TMEM51: variants seen among roughly 807,000 people sequenced by gnomAD.
TMEM51 encodes the protein transmembrane protein 51.
TMEM51 carries 8 observed loss-of-function variants against 13.6 expected under a neutral mutation model. The observed-to-expected ratio is 0.59, with a 90% confidence interval of 0.35 to 1.07. TMEM51 has a LOEUF of 1.07. Among genes scored for constraint, TMEM51 ranks in the 50% least tolerant of loss-of-function variants. TMEM51 has a pLI of 0.02. For synonymous variants in TMEM51, 147 were observed against 144.4 expected, an observed-to-expected ratio of 1.02 and a Z score of -0.13; for missense variants, 279 against 330.7, an observed-to-expected ratio of 0.84 and a Z score of 1.21.
chr1:15,182,487 GTC>G (rs1160383146), intron 1 of TMEM51, among the ~76,000 whole-genome samples: 2 of 152,246 alleles, frequency 1.3e-5, no homozygotes, highest in Non-Finnish European at 2.9e-5. Context: ...CAAGCTCTGG[GTC>G]TCTCGCCAAC....
chr1:15,174,512 G>T (rs908037303), intron 1 of TMEM51, among the ~76,000 whole-genome samples: 1 of 152,026 alleles, frequency 6.6e-6, no homozygotes, highest in Non-Finnish European at 1.5e-5. Context: ...AAAGTGCTGG[G>T]GATTACTGAC....
chr1:15,167,971 G>T (rs1490187195), intron 1 of TMEM51, among the ~76,000 whole-genome samples: 1 of 152,146 alleles, frequency 6.6e-6, no homozygotes, highest in Non-Finnish European at 1.5e-5. Flanking sequence ...TGGTGTAAAA[G>T]GATGTCCAAT....
chr1:15,200,148 G>A (rs1203185513), intron 1 of TMEM51, among the ~76,000 whole-genome samples: 1 of 152,008 alleles, frequency 6.6e-6, no homozygotes, highest in African/African-American at 2.4e-5. Flanking sequence ...AAAGTCATAT[G>A]AGTGGGCCCT....
chr1:15,206,240 A>T (rs898155728), intron 1 of TMEM51, among the ~76,000 whole-genome samples: 3 of 146,022 alleles, frequency 2.1e-5, no homozygotes, highest in African/African-American at 7.4e-5. Flanking sequence ...AAAAAAAAAA[A>T]AAAAAAGAGA....
rs115708594 is a variant in TMEM51, at chr1:15,205,360, C to G, written c.-266-5130C>G. 5.0e-3 allele frequency among the ~76,000 whole-genome samples: 754 copies of G among 152,248 alleles called. 6 individuals are homozygous for G. Among genetic ancestry groups the G allele is most frequent in the African/African-American group, 0.017 (711 of 41,546 alleles). On this transcript the variant is annotated intron_variant, in intron 1 of 3. Transcript: ENST00000376008. ...TTTTCTCTGCAAGCCATGACATATT[C>G]TGGAAGATGCCCACTTTCCCATCGC...
At chr1:15,200,827 C>T (rs4661326) in intron 1 of TMEM51, among the ~76,000 whole-genome samples, 134,928 of 152,082 alleles carry the variant, frequency 0.89, 59,944 homozygotes, top group East Asian at 0.96. Context: ...AGCTGGTTTT[C>T]ATGAAGGGAA....
intron 1 of TMEM51, among the ~76,000 whole-genome samples, chr1:15,167,729 C>T (rs1444139217): frequency 1.3e-5 from 2 of 152,240 alleles, no homozygotes; most frequent in South Asian, 2.1e-4. Flanking sequence ...GTTGAAGACC[C>T]GGTGAAACCA....
intron 1 of TMEM51, among the ~76,000 whole-genome samples, chr1:15,181,511 C>T (rs948446242): frequency 2.6e-5 from 4 of 152,188 alleles, no homozygotes; most frequent in African/African-American, 9.6e-5. Flanking sequence ...AAACTCAAAG[C>T]CTCGTTCCCA....
intron 1 of TMEM51, among the ~76,000 whole-genome samples, chr1:15,177,620 G>A (rs1643491087): frequency 6.6e-6 from 1 of 152,208 alleles, no homozygotes; most frequent in Non-Finnish European, 1.5e-5. Flanking sequence ...GGCGTGCAGT[G>A]TCTCTCTGGG....
chr1:15,193,614 G>C (rs1221154003), intron 1 of TMEM51, among the ~76,000 whole-genome samples: 2 of 126,828 alleles, frequency 1.6e-5, no homozygotes, highest in African/African-American at 3.2e-5. Flanking sequence ...GTCTCACTCT[G>C]TCGCCCAAGC....
At chr1:15,184,922 C>T (rs781732248) in intron 1 of TMEM51, among the ~76,000 whole-genome samples, 1 of 151,780 alleles carries the variant, frequency 6.6e-6, no homozygotes, top group African/African-American at 2.4e-5. Flanking sequence ...GTTATACAAC[C>T]GACATTGCAC....
At chr1:15,163,638 T>TTTTTTTTTTTTTTGAGACAGA (rs1553197690) in intron 1 of TMEM51, among the ~76,000 whole-genome samples, 282 of 151,034 alleles carry the variant, frequency 1.9e-3, no homozygotes, top group Non-Finnish European at 2.7e-3. Context: ...TGTTATTTTT[T>TTTTTTTTTTTTTTGAGACAGA]GTAATAATAG....
intron 1 of TMEM51, among the ~76,000 whole-genome samples, chr1:15,170,313 C>T (rs1643206444): frequency 6.6e-6 from 1 of 151,088 alleles, no homozygotes; most frequent in Non-Finnish European, 1.5e-5. Flanking sequence ...TGCTGCAGGG[C>T]AAGGTAAAGC....
chr1:15,184,564 G>T (rs955563271), intron 1 of TMEM51, among the ~76,000 whole-genome samples: 1 of 152,110 alleles, frequency 6.6e-6, no homozygotes, highest in Admixed American at 6.5e-5. Context: ...ACTTGCTAGG[G>T]CCAGGGCAGC....
chr1:15,213,241 G>A (rs181116247), intron 2 of TMEM51, among the ~76,000 whole-genome samples: 5 of 152,244 alleles, frequency 3.3e-5, no homozygotes, highest in Admixed American at 2.0e-4. Flanking sequence ...TATTTGTTGG[G>A]TGAAAAAAAG....
intron 2 of TMEM51, among the ~76,000 whole-genome samples, chr1:15,211,945 T>A (rs957002213): frequency 3.3e-5 from 5 of 152,078 alleles, no homozygotes; most frequent in African/African-American, 1.2e-4. Flanking sequence ...GTATGGAGAA[T>A]TTTTTAAAAA....
At chr1:15,182,313 T>C (rs1295025468) in intron 1 of TMEM51, among the ~76,000 whole-genome samples, 2 of 152,238 alleles carry the variant, frequency 1.3e-5, no homozygotes, top group African/African-American at 4.8e-5. Flanking sequence ...TGTGTCACTC[T>C]TCCTCTGTGA....
At chr1:15,185,874 TC>T (rs1163723441) in intron 1 of TMEM51, among the ~76,000 whole-genome samples, 1 of 152,182 alleles carries the variant, frequency 6.6e-6, no homozygotes, top group African/African-American at 2.4e-5. Flanking sequence ...GTGGCCATCC[TC>T]CTATTATCCA....
At chr1:15,180,395 A>G (rs1288824038) in intron 1 of TMEM51, among the ~76,000 whole-genome samples, 1 of 152,224 alleles carries the variant, frequency 6.6e-6, no homozygotes, top group African/African-American at 2.4e-5. Context: ...AACAGAGGCC[A>G]GCACTCACTT....
Sources: allele counts gnomAD v4.1 joint callset (sites outside exome capture counted in the v4.1 genomes callset), GRCh38; gene constraint gnomAD v4.1.1; transcripts MANE v1.5; gene names NCBI Gene and HGNC (gene_info 2026-07-23, HGNC 2026-07-21).